The following PLGRKT variants were observed in gnomAD, a reference collection of about 807,000 sequenced individuals.
The protein encoded by PLGRKT is plasminogen receptor (KT).
A neutral mutation model predicts 18.5 loss-of-function variants in PLGRKT; 22 were observed. The observed-to-expected ratio is 1.19, with a 90% confidence interval of 0.85 to 1.70. PLGRKT has a LOEUF of 1.70. PLGRKT is among the 40% of genes most tolerant of loss of function. The pLI is 0.00. For missense variants in PLGRKT, 235 were observed against 174.4 expected (o/e 1.35, Z -1.96); for synonymous variants, 72 against 52.8 (o/e 1.36, Z -1.58).
chr9:5,415,531 G>C (rs1203416673), intron 3 of PLGRKT, among the ~76,000 whole-genome samples: 1 of 152,072 alleles, frequency 6.6e-6, no homozygotes, highest in African/African-American at 2.4e-5. Context: ...TCTCCTCAAA[G>C]ATATTTATCA....
intron 3 of PLGRKT, among the ~76,000 whole-genome samples, chr9:5,406,494 C>A (rs1818259631): frequency 6.6e-6 from 1 of 151,556 alleles, no homozygotes; most frequent in Non-Finnish European, 1.5e-5. Flanking sequence ...TTATCCTCAA[C>A]AAACTAACGC....
At chr9:5,390,036 C>G (rs569652307) in intron 3 of PLGRKT, among the ~76,000 whole-genome samples, 5 of 151,714 alleles carry the variant, frequency 3.3e-5, no homozygotes, top group African/African-American at 9.7e-5. Context: ...TGGGGTCAGA[C>G]AGTCATTGAG....
chr9:5,403,393 T>C (rs1586728912), intron 3 of PLGRKT, among the ~76,000 whole-genome samples: 1 of 152,040 alleles, frequency 6.6e-6, no homozygotes, highest in Non-Finnish European at 1.5e-5. Flanking sequence ...CTGGCTAATT[T>C]TCTGTATTTT....
intron 3 of PLGRKT, among the ~76,000 whole-genome samples, chr9:5,429,510 G>A (rs1025584661): frequency 6.6e-6 from 1 of 152,020 alleles, no homozygotes; most frequent in Non-Finnish European, 1.5e-5. Context: ...AAGGCTGTGA[G>A]AGAAGCATCT....
chr9:5,425,075 C>G (rs1275585844), intron 3 of PLGRKT, among the ~76,000 whole-genome samples: 1 of 152,176 alleles, frequency 6.6e-6, no homozygotes, highest in Admixed American at 6.5e-5. Flanking sequence ...AAATAAACAT[C>G]TATTTACTGC....
intron 3 of PLGRKT, among the ~76,000 whole-genome samples, chr9:5,407,628 C>A (rs10283595): frequency 0.66 from 99,768 of 151,682 alleles, 34,956 homozygotes; most frequent in African/African-American, 0.92. Context: ...AGACAGCATT[C>A]TAATGTTGTT....
At chr9:5,401,532 C>T (rs529672528) in intron 3 of PLGRKT, among the ~76,000 whole-genome samples, 3 of 151,858 alleles carry the variant, frequency 2.0e-5, no homozygotes, top group Admixed American at 1.3e-4. Context: ...CTACAATATA[C>T]CAAATAAGCT....
At chr9:5,380,688 G>C (rs1817725324) in intron 3 of PLGRKT, among the ~76,000 whole-genome samples, 1 of 152,022 alleles carries the variant, frequency 6.6e-6, no homozygotes, top group African/African-American at 2.4e-5. Context: ...TAAAATGTAA[G>C]CTCCATGAGG....
intron 3 of PLGRKT, among the ~76,000 whole-genome samples, chr9:5,422,136 C>G (rs1818587487): frequency 6.6e-6 from 1 of 152,136 alleles, no homozygotes; most frequent in Admixed American, 6.5e-5. Flanking sequence ...TTTAAACTGC[C>G]ATTTTATTCA....
At chr9:5,401,001 G>C (rs1474858141) in intron 3 of PLGRKT, among the ~76,000 whole-genome samples, 1 of 151,844 alleles carries the variant, frequency 6.6e-6, no homozygotes, top group Non-Finnish European at 1.5e-5. Flanking sequence ...AGTTAGATAA[G>C]ATCTTAAGAT....
At chr9:5,359,698 G>A (rs893665973) in intron 5 of PLGRKT, among the ~76,000 whole-genome samples, 8 of 152,102 alleles carry the variant, frequency 5.3e-5, no homozygotes, top group Non-Finnish European at 1.2e-4. Context: ...GTTTTCTGAT[G>A]AATTTGACTT....
intron 3 of PLGRKT, among the ~76,000 whole-genome samples, chr9:5,406,264 T>C (rs928215381): frequency 2.6e-5 from 4 of 152,208 alleles, no homozygotes; most frequent in African/African-American, 9.7e-5. Flanking sequence ...ACTGGGTATA[T>C]ACCCAAAGGA....
At chr9:5,368,961 A>G (rs1817456365) in intron 3 of PLGRKT, among the ~76,000 whole-genome samples, 1 of 152,204 alleles carries the variant, frequency 6.6e-6, no homozygotes, top group Non-Finnish European at 1.5e-5. Flanking sequence ...TTCACTCAAG[A>G]TGGATTAAAG....
chr9:5,419,578 C>CAG (rs1818534133), intron 3 of PLGRKT, among the ~76,000 whole-genome samples: 1 of 152,080 alleles, frequency 6.6e-6, no homozygotes, highest in Non-Finnish European at 1.5e-5. Flanking sequence ...TTCGCCAAAG[C>CAG]AGATATACAA....
At chr9:5,419,771 C>A (rs77111868) in intron 3 of PLGRKT, among the ~76,000 whole-genome samples, 2,126 of 152,170 alleles carry the variant, frequency 0.014, 41 homozygotes, top group African/African-American at 0.049. Context: ...CACTTTACAG[C>A]GGGAATGTAA....
intron 3 of PLGRKT, among the ~76,000 whole-genome samples, chr9:5,372,554 G>T (rs1390510184): frequency 6.6e-6 from 1 of 152,170 alleles, no homozygotes; most frequent in African/African-American, 2.4e-5. Flanking sequence ...CTGGAGAAAT[G>T]TTCAGCCAGA....
intron 3 of PLGRKT, among the ~76,000 whole-genome samples, chr9:5,397,126 G>T (rs1324190448): frequency 6.6e-6 from 1 of 151,918 alleles, no homozygotes; most frequent in African/African-American, 2.4e-5. Context: ...GAATGCGAAG[G>T]CTACAAAACG....
rs1424452089 is a variant in PLGRKT, at chr9:5,358,059, C to G, written c.*180G>C. 8.5e-6 allele frequency: 4 copies of G among 467,978 alleles called. No individual in the cohort carries two copies. The highest frequency in any genetic ancestry group is 2.0e-5 in the African/African-American group (1 of 50,784). 29.0% of individuals were successfully genotyped at this position (467,978 alleles called of 1,614,324 possible). The stretch of plus-strand genomic sequence containing the variant: ...GGAAATCTAAAAGTTATTTAGAGCA[C>G]CTCCATGATTTTGTGTTGAATGTTA... On this transcript the variant is annotated 3_prime_UTR_variant, in exon 6 of 6. Coordinates refer to ENST00000223864, the MANE Select transcript of PLGRKT (RefSeq NM_018465.4).
chr9:5,429,571 G>C (rs1818774031), intron 3 of PLGRKT, among the ~76,000 whole-genome samples: 1 of 152,166 alleles, frequency 6.6e-6, no homozygotes, highest in Non-Finnish European at 1.5e-5. Context: ...TATTCACATT[G>C]TATGGTCCCG....
Sources: gnomAD v4.1 joint callset for allele counts (sites outside exome capture counted in the v4.1 genomes callset) on GRCh38, gnomAD v4.1.1 for gene constraint, MANE v1.5 for transcripts, NCBI Gene and HGNC (gene_info 2026-07-23, HGNC 2026-07-21) for gene names.